CADPS2: variants seen among roughly 807,000 people sequenced by gnomAD.
CADPS2 encodes the protein calcium-dependent secretion activator 2.
CADPS2 carries 93 observed loss-of-function variants against 172.5 expected under a neutral mutation model. That is an observed-to-expected ratio of 0.54 (90% confidence interval 0.46 to 0.64). CADPS2 has a LOEUF of 0.64. Ranked by LOEUF, CADPS2 falls within the 30% of genes least tolerant of loss-of-function variation. CADPS2 has a pLI of 0.00. For synonymous variants in CADPS2, 546 were observed against 555.2 expected, an observed-to-expected ratio of 0.98 and a Z score of 0.23; for missense variants, 1,420 against 1,565.9, an observed-to-expected ratio of 0.91 and a Z score of 1.57.
At chr7:122,376,087 G>A (rs1379702456) in intron 25 of CADPS2, among the ~76,000 whole-genome samples, 1 of 152,030 alleles carries the variant, frequency 6.6e-6, no homozygotes, top group African/African-American at 2.4e-5. Flanking sequence ...AAAGATAACA[G>A]GTATTAGTGA....
intron 1 of CADPS2, among the ~76,000 whole-genome samples, chr7:122,864,680 A>G (rs1227903696): frequency 6.6e-6 from 1 of 152,238 alleles, no homozygotes; most frequent in African/African-American, 2.4e-5. Context: ...GGAACAAGAC[A>G]TAAAGGGATA....
At chr7:122,541,866 TG>T (rs2063115722) in intron 8 of CADPS2, among the ~76,000 whole-genome samples, 17 of 131,102 alleles carry the variant, frequency 1.3e-4, no homozygotes, top group African/African-American at 3.7e-4. Flanking sequence ...TTTATATATA[TG>T]CATATATATT....
intron 1 of CADPS2, among the ~76,000 whole-genome samples, chr7:122,814,040 T>C (rs768257331): frequency 6.6e-6 from 1 of 152,046 alleles, no homozygotes; most frequent in Non-Finnish European, 1.5e-5. Flanking sequence ...ATCCCCATTT[T>C]ATAGCTAAGT....
chr7:122,596,312 G>A (rs1188715449), intron 6 of CADPS2, among the ~76,000 whole-genome samples: 8 of 152,142 alleles, frequency 5.3e-5, no homozygotes, highest in Non-Finnish European at 1.2e-4. Context: ...GGAAATCACT[G>A]CTATGATCTA....
At chr7:122,655,016 T>C (rs539638015) in intron 3 of CADPS2, among the ~76,000 whole-genome samples, 2 of 152,164 alleles carry the variant, frequency 1.3e-5, no homozygotes, top group Non-Finnish European at 2.9e-5. Context: ...GTTCTAGAAA[T>C]AGCAAAAGAA....
chr7:122,794,795 T>TCAA (rs1796019126), intron 1 of CADPS2, among the ~76,000 whole-genome samples: 1 of 150,570 alleles, frequency 6.6e-6, no homozygotes, highest in Non-Finnish European at 1.5e-5. Context: ...ATAATCAAAT[T>TCAA]GGAAATCAAG....
chr7:122,356,634 G>C (rs534072044), intron 27 of CADPS2, among the ~76,000 whole-genome samples: 1 of 152,278 alleles, frequency 6.6e-6, no homozygotes, highest in South Asian at 2.1e-4. Flanking sequence ...TGGGAGAGCT[G>C]TCTTTTCTCC....
At chr7:122,334,601 A>G (rs371784535) in intron 28 of CADPS2, among the ~76,000 whole-genome samples, 11 of 152,348 alleles carry the variant, frequency 7.2e-5, no homozygotes, top group East Asian at 5.8e-4. Flanking sequence ...CTTATCTCAC[A>G]GTCACGTCAT....
chr7:122,538,642 G>A (rs2062590969), intron 8 of CADPS2, among the ~76,000 whole-genome samples: 1 of 148,642 alleles, frequency 6.7e-6, no homozygotes, highest in Admixed American at 6.9e-5. Flanking sequence ...AAATTAGAAA[G>A]GCCAGTAAAA....
intron 6 of CADPS2, among the ~76,000 whole-genome samples, chr7:122,591,867 C>A (rs1191286448): frequency 6.6e-6 from 1 of 152,078 alleles, no homozygotes; most frequent in African/African-American, 2.4e-5. Context: ...AATGTCAGAC[C>A]TAAAACCATA....
chr7:122,708,185 G>A (rs2087908880), intron 2 of CADPS2, among the ~76,000 whole-genome samples: 1 of 151,710 alleles, frequency 6.6e-6, no homozygotes, highest in East Asian at 1.9e-4. Flanking sequence ...TTGAAGGACA[G>A]GATTAAATCT....
intron 1 of CADPS2, among the ~76,000 whole-genome samples, chr7:122,848,117 T>G (rs1478538155): frequency 6.6e-6 from 1 of 152,194 alleles, no homozygotes; most frequent in East Asian, 1.9e-4. Context: ...TGTCTTAATC[T>G]TATTAGAATA....
At chr7:122,731,268 G>A (rs528426136) in intron 2 of CADPS2, among the ~76,000 whole-genome samples, 3 of 151,174 alleles carry the variant, frequency 2.0e-5, no homozygotes, top group Non-Finnish European at 4.4e-5. Context: ...AGAAGCTCTA[G>A]CATCCATATT....
chr7:122,331,407 G>T (rs1260149058), intron 28 of CADPS2, among the ~76,000 whole-genome samples: 3 of 152,196 alleles, frequency 2.0e-5, no homozygotes, highest in Non-Finnish European at 4.4e-5. Context: ...GGAGGCAGAG[G>T]TGGGTGGATC....
chr7:122,637,850 T>C (rs1255119208), intron 3 of CADPS2, among the ~76,000 whole-genome samples: 2 of 152,224 alleles, frequency 1.3e-5, no homozygotes, highest in Admixed American at 6.5e-5. Context: ...TTCTGGGTGC[T>C]TGCAGAGAGC....
intron 8 of CADPS2, among the ~76,000 whole-genome samples, chr7:122,536,393 A>G (rs1235375289): frequency 6.6e-6 from 1 of 152,082 alleles, no homozygotes; most frequent in Non-Finnish European, 1.5e-5. Context: ...AAAAATATAT[A>G]GTAGAAAGTG....
intron 2 of CADPS2, among the ~76,000 whole-genome samples, chr7:122,685,020 A>G (rs2083465720): frequency 6.6e-6 from 1 of 152,240 alleles, no homozygotes; most frequent in Non-Finnish European, 1.5e-5. Flanking sequence ...TATTTGTTGA[A>G]TAGATTTTAT....
chr7:122,500,388 G>C (rs765494493), intron 9 of CADPS2, among the ~76,000 whole-genome samples: 5 of 151,990 alleles, frequency 3.3e-5, no homozygotes, highest in African/African-American at 7.3e-5. Flanking sequence ...ATTTTTGAAA[G>C]TATAAGCCAC....
intron 7 of CADPS2, among the ~76,000 whole-genome samples, chr7:122,556,724 C>T (rs2065074935): frequency 6.6e-6 from 1 of 152,066 alleles, no homozygotes; most frequent in African/African-American, 2.4e-5. Flanking sequence ...TATTGCTCAG[C>T]TCTGTTCAAT....
Sources: gnomAD v4.1 joint callset for allele counts (sites outside exome capture counted in the v4.1 genomes callset) on GRCh38, gnomAD v4.1.1 for gene constraint, MANE v1.5 for transcripts, NCBI Gene and HGNC (gene_info 2026-07-23, HGNC 2026-07-21) for gene names.